METTL2A: variants seen among roughly 807,000 people sequenced by gnomAD.
METTL2A encodes the protein methyltransferase 2A, tRNA N3-cytidine, also known as tRNA N(3)-cytidine methyltransferase METTL2A.
Under a neutral mutation model 49.4 loss-of-function variants are expected in METTL2A, and 45 were observed. That is an observed-to-expected ratio of 0.91 (90% confidence interval 0.72 to 1.17). The LOEUF is 1.17. Among genes scored for constraint, METTL2A ranks in the 50% most tolerant of loss-of-function variants. The pLI is 0.00. For synonymous variants in METTL2A, 118 were observed against 167.5 expected (o/e 0.70, Z 2.28); for missense variants, 361 against 462.2 (o/e 0.78, Z 2.01).
At chr17:62,438,407 C>CA (rs1232215588) in intron 5 of METTL2A, among the ~76,000 whole-genome samples, 9,973 of 108,502 alleles carry the variant, frequency 0.092, 437 homozygotes, top group South Asian at 0.24. Flanking sequence ...AACTCCATCT[C>CA]AAAAAAAAAA....
At chr17:62,437,687 G>A (rs887917289) in intron 5 of METTL2A, among the ~76,000 whole-genome samples, 2 of 152,134 alleles carry the variant, frequency 1.3e-5, no homozygotes, top group African/African-American at 4.8e-5. Flanking sequence ...AAATGTATCT[G>A]TTATGGCTGG....
Position 62,451,901 on chromosome 17 carries a change from A to AG in METTL2A, c.*3172_*3173insG, listed in dbSNP as rs2070808296. 6.6e-6 allele frequency among the ~76,000 whole-genome samples: 1 copy of AG among 151,006 alleles called. No homozygotes were observed. Among genetic ancestry groups the AG allele is most frequent in the Non-Finnish European group, 1.5e-5 (1 of 67,786 alleles). ...GTGAAACTCCGTCTCAAAAAAAAAA[A>AG]AAAAAAAAATTAGCTGGGCATGGTG... On this transcript the variant is annotated 3_prime_UTR_variant, in exon 9 of 9. Coordinates refer to ENST00000311506, the MANE Select transcript of METTL2A (RefSeq NM_181725.4).
intron 4 of METTL2A, 66 bp from the exon 5 acceptor site, chr17:62,435,166 A>G (rs1321003901): frequency 1.1e-5 from 17 of 1,610,718 alleles, no homozygotes; most frequent in Middle Eastern, 1.6e-4. Context: ...ACTGTGCTAC[A>G]CAAGAATGAG....
In METTL2A at chr17:62,444,832, C is replaced by T; in HGVS notation, c.810-5C>T. ...GATTGACCGTCATTCCCTGCTGCTC[C>T]ACAGGATGCAGAAGGCTATCAACAG... On this transcript the variant is annotated splice_region_variant and splice_polypyrimidine_tract_variant and intron_variant, in intron 6 of 8. Coordinates refer to ENST00000311506, the MANE Select transcript of METTL2A (RefSeq NM_181725.4). 6.2e-7 allele frequency: 1 copy of T among 1,613,656 alleles called. No homozygotes were observed. Among genetic ancestry groups the T allele is most frequent in the African/African-American group, 1.3e-5 (1 of 75,008 alleles).
intron 7 of METTL2A, among the ~76,000 whole-genome samples, chr17:62,445,665 C>T (rs1487580635): frequency 2.0e-5 from 3 of 151,946 alleles, no homozygotes; most frequent in Non-Finnish European, 4.4e-5. Context: ...GGCATGGTGG[C>T]GCATGCCTGT....
intron 1 of METTL2A, 98 bp from the exon 2 acceptor site, chr17:62,424,121 G>T (rs1242469710): frequency 6.3e-7 from 1 of 1,589,894 alleles, no homozygotes; most frequent in Non-Finnish European, 8.6e-7. Context: ...TGCCCTACCC[G>T]AGGCACTCTC....
intron 6 of METTL2A, among the ~76,000 whole-genome samples, chr17:62,441,973 C>G (rs2070741622): frequency 6.6e-6 from 1 of 151,854 alleles, no homozygotes; most frequent in Non-Finnish European, 1.5e-5. Context: ...GTCTCAAACT[C>G]CTGACCTCAT....
At chr17:62,445,233 T>A (rs966676337) in intron 7 of METTL2A, among the ~76,000 whole-genome samples, 1 of 151,118 alleles carries the variant, frequency 6.6e-6, no homozygotes, top group African/African-American at 2.4e-5. Context: ...CCATGGCACA[T>A]GTATACATAT....
At position 62,436,199 on chromosome 17, in the gene METTL2A, C is replaced by T. The variant is rs192375766; in HGVS notation, c.669+907C>T. The stretch of plus-strand genomic sequence containing the variant: ...TGGAGGTTGCAGTGAGCTGAGATCG[C>T]GCCACTGCACTCCAGCTAGACAACA... On this transcript the variant is annotated intron_variant, in intron 5 of 8. Coordinates refer to ENST00000311506, the MANE Select transcript of METTL2A (RefSeq NM_181725.4). 2.3e-3 allele frequency among the ~76,000 whole-genome samples: 347 copies of T among 152,134 alleles called. 1 individual carries two copies. Among genetic ancestry groups the T allele is most frequent in the African/African-American group, 7.3e-3 (301 of 41,508 alleles).
chr17:62,433,089 G>T (rs1292574816), intron 4 of METTL2A, among the ~76,000 whole-genome samples: 2 of 152,188 alleles, frequency 1.3e-5, no homozygotes, highest in Admixed American at 1.3e-4. Flanking sequence ...CATTGTGTAA[G>T]AGACTTGAGC....
rs1433381717 is a variant in METTL2A, at chr17:62,452,483, CTA to C, written c.*3756_*3757del. ...CTATTGCTGCTTTTTGGCTGAATAA[CTA>C]TGATAGTTGCCAAATAGTGGTTTCT... On this transcript the variant is annotated 3_prime_UTR_variant, in exon 9 of 9. Coordinates refer to ENST00000311506, the MANE Select transcript of METTL2A (RefSeq NM_181725.4). 2.0e-5 allele frequency among the ~76,000 whole-genome samples: 3 copies of C among 152,190 alleles called. No homozygotes were observed. The highest frequency in any genetic ancestry group is 4.4e-5 in the Non-Finnish European group (3 of 68,032).
At chr17:62,425,476 T>C (rs576633441) in intron 2 of METTL2A, among the ~76,000 whole-genome samples, 1 of 142,892 alleles carries the variant, frequency 7.0e-6, no homozygotes, top group Admixed American at 7.4e-5. Flanking sequence ...AATCTCCTCC[T>C]CCCTGGTTCA....
chr17:62,439,344 A>T (rs1445312197), intron 5 of METTL2A, among the ~76,000 whole-genome samples: 2 of 152,058 alleles, frequency 1.3e-5, no homozygotes, highest in African/African-American at 2.4e-5. Context: ...GGCTCAAGTG[A>T]TCCTCCTGCC....
chr17:62,425,189 T>A (rs1470743663), intron 2 of METTL2A, among the ~76,000 whole-genome samples: 1 of 151,628 alleles, frequency 6.6e-6, no homozygotes, highest in Non-Finnish European at 1.5e-5. Flanking sequence ...GAGTCTTGGT[T>A]GATTCAGCAG....
intron 2 of METTL2A, among the ~76,000 whole-genome samples, chr17:62,424,854 A>G (rs2070612703): frequency 6.6e-6 from 1 of 151,746 alleles, no homozygotes; most frequent in African/African-American, 2.4e-5. Context: ...CCTGCTTGAG[A>G]GGTGGATGAT....
Position 62,450,913 on chromosome 17 carries a change from T to G in METTL2A, c.*2184T>G, listed in dbSNP as rs1222965463. On this transcript the variant is annotated 3_prime_UTR_variant, in exon 9 of 9. Transcript: ENST00000311506. ...ATAGGAATACTGCAAGAATAGTCCA[T>G]TTTTTTCTGATGTCCCAACATCACC... 1 of 152,188 alleles carries G rather than the reference T, an allele frequency of 6.6e-6. No individual in the cohort carries two copies. The highest frequency in any genetic ancestry group is 1.5e-5 in the Non-Finnish European group (1 of 68,032). The allele number at this position is 152,188 out of a possible 1,614,324, so 9.4% of individuals were successfully genotyped here.
chr17:62,431,474 C>T (rs1399781903), intron 4 of METTL2A, among the ~76,000 whole-genome samples: 1 of 152,098 alleles, frequency 6.6e-6, no homozygotes, highest in Non-Finnish European at 1.5e-5. Context: ...CCACCTCAGC[C>T]TCCCAAGTAG....
Position 62,426,150 on chromosome 17 carries a change from T to A in METTL2A, c.203-149T>A, listed in dbSNP as rs1295812739. ...TGCCAGATGGCAGGACTAAATGACC[T>A]CAGAAATGCCTTCAGTTCTGGGACT... On this transcript the variant is annotated intron_variant, in intron 2 of 8. Transcript: ENST00000311506. 5.7e-6 allele frequency: 4 copies of A among 703,588 alleles called. No individual in the cohort carries two copies. In the East Asian group the frequency reaches 1.1e-4, roughly 19 times the overall value. The allele number at this position is 703,588 out of a possible 1,614,324, so 43.6% of individuals were successfully genotyped here. A position where few individuals can be genotyped will look rare whatever the true frequency, so the allele number is the denominator to read the frequency against.
intron 4 of METTL2A, among the ~76,000 whole-genome samples, chr17:62,428,253 A>G (rs529009580): frequency 3.3e-5 from 5 of 152,332 alleles, no homozygotes; most frequent in African/African-American, 9.6e-5. Flanking sequence ...CTGAGTTGTC[A>G]TCACCCCCAT....
Sources: allele counts gnomAD v4.1 joint callset (sites outside exome capture counted in the v4.1 genomes callset), GRCh38; gene constraint gnomAD v4.1.1; transcripts MANE v1.5; gene names NCBI Gene and HGNC (gene_info 2026-07-23, HGNC 2026-07-21).